The following CLEC12A variants were observed in gnomAD, a reference collection of about 807,000 sequenced individuals.
The protein encoded by CLEC12A is C-type lectin protein CLL-1.
Under a neutral mutation model 26.5 loss-of-function variants are expected in CLEC12A, and 22 were observed. The ratio of observed to expected loss-of-function variants is 0.83; its 90% CI spans 0.59 to 1.19. The LOEUF (loss-of-function observed/expected upper bound fraction) is 1.19, where lower values mean the gene tolerates loss of function less well. CLEC12A is among the 50% of genes most tolerant of loss of function. The pLI, the probability that CLEC12A is intolerant of heterozygous loss-of-function variation, is 0.00. For synonymous variants in CLEC12A, 119 were observed against 101.9 expected (o/e 1.17, Z -1.01); for missense variants, 353 against 315.6 (o/e 1.12, Z -0.90).
chr12:9,987,511 A>C (rs1864794521), downstream of CLEC12A, among the ~76,000 whole-genome samples: 1 of 152,140 alleles, frequency 6.6e-6, no homozygotes, highest in Non-Finnish European at 1.5e-5. Context: ...TCTACCCAAT[A>C]CTTTGTGGGC....
chr12:9,957,488 C>A (rs1863761300), intron 1 of CLEC12A, among the ~76,000 whole-genome samples: 1 of 85,010 alleles, frequency 1.2e-5, no homozygotes, highest in African/African-American at 5.0e-5. Flanking sequence ...GAGACTTCAT[C>A]TCAAAAAAAA....
chr12:9,987,274 T>G (rs2137217350), downstream of CLEC12A, among the ~76,000 whole-genome samples: 1 of 152,294 alleles, frequency 6.6e-6, no homozygotes. Flanking sequence ...TCTATGTAAA[T>G]CATTTTTATT....
At chr12:9,996,891 A>G (rs1865063015), downstream of CLEC12A, 1 of 1,613,966 alleles carries the variant, frequency 6.2e-7, no homozygotes. Flanking sequence ...CATTCATGTC[A>G]GTGCAGTACT....
intron 3 of CLEC12A, 138 bp downstream of exon 3, chr12:9,979,662 G>A: frequency 3.1e-6 from 2 of 644,812 alleles, no homozygotes; most frequent in Non-Finnish European, 5.0e-6. Context: ...TGTGGTTGAT[G>A]GAGAATTCAT....
At chr12:10,002,375 T>C in the CLEC12A span, among the ~76,000 whole-genome samples, 1 of 126,968 alleles carries the variant, frequency 7.9e-6, no homozygotes, top group Non-Finnish European at 1.8e-5. Context: ...GGTTAGTCTT[T>C]ATGAAGCAGA....
At chr12:9,987,740 TTTTG>T (rs549578337), downstream of CLEC12A, among the ~76,000 whole-genome samples, 210 of 152,244 alleles carry the variant, frequency 1.4e-3, 1 homozygote, top group African/African-American at 3.7e-3. Context: ...ACCTGTATGT[TTTTG>T]TTTGTTTTTT....
exon 5 of CLEC12A, chr12:9,995,025 G>A: frequency 1.3e-6 from 2 of 1,578,240 alleles, no homozygotes; most frequent in South Asian, 1.1e-5. Flanking sequence ...TAGCAGGTAA[G>A]TGACCCAGCT....
intron 5 of CLEC12A, among the ~76,000 whole-genome samples, chr12:9,982,425 C>T (rs1280945371): frequency 6.6e-6 from 1 of 151,964 alleles, no homozygotes; most frequent in Non-Finnish European, 1.5e-5. Flanking sequence ...CTAACAAGTA[C>T]TTAATATTGT....
intron 1 of CLEC12A, among the ~76,000 whole-genome samples, chr12:9,961,342 C>T (rs1264248520): frequency 2.0e-5 from 3 of 152,150 alleles, no homozygotes; most frequent in African/African-American, 7.2e-5. Flanking sequence ...AGAGGGAGTC[C>T]ATTCAGATGG....
At chr12:9,993,637 C>T (rs617956) in intron 4 of CLEC12A, among the ~76,000 whole-genome samples, 72,650 of 151,678 alleles carry the variant, frequency 0.48, 17,857 homozygotes, top group East Asian at 0.71. Context: ...GGTCAGGACT[C>T]AGATGAACTG....
At chr12:9,974,992 A>G (rs945183721) in intron 1 of CLEC12A, among the ~76,000 whole-genome samples, 4 of 152,160 alleles carry the variant, frequency 2.6e-5, no homozygotes, top group African/African-American at 9.7e-5. Context: ...GGTTTTATAA[A>G]GAGGAGTTTT....
downstream of CLEC12A, among the ~76,000 whole-genome samples, chr12:9,995,994 T>C (rs1865036230): frequency 6.6e-6 from 1 of 152,126 alleles, no homozygotes; most frequent in African/African-American, 2.4e-5. Flanking sequence ...AATCAATCTA[T>C]GGGTAACAAA....
chr12:9,952,089 G>GC lies in CLEC12A; in HGVS notation c.10+733_10+734insC, dbSNP rs1226073700. 4 of 126,904 alleles carry GC rather than the reference G, an allele frequency of 3.2e-5. No individual in the cohort carries two copies. In the East Asian group the frequency reaches 1.1e-3, roughly 36 times the overall value. 7.9% of individuals were successfully genotyped at this position (126,904 alleles called of 1,614,324 possible). A position where few individuals can be genotyped will look rare whatever the true frequency, so the allele number is the denominator to read the frequency against. ...ATCAAACTGTCAGACCCTGTCTCAA[G>GC]GAAAAAAAAAAAAACAGGATGTGAG... On this transcript the variant is annotated intron_variant, in intron 1 of 6. Coordinates refer to the CLEC12A transcript ENST00000355690.
Position 9,985,104 on chromosome 12 carries a change from G to T in CLEC12A, c.*78G>T. ...AGGTAAATTTAAATATTTTCTGGTT[G>T]ACAATTAGTTGAGTTTGTCTGAAGA... On this transcript the variant is annotated 3_prime_UTR_variant, in exon 6 of 6. Coordinates refer to ENST00000304361, the MANE Select transcript of CLEC12A (RefSeq NM_138337.6). 7.7e-7 allele frequency: 1 copy of T among 1,298,924 alleles called. No individual in the cohort carries two copies. Among genetic ancestry groups the T allele is most frequent in the South Asian group, 2.6e-5 (1 of 38,944 alleles). The allele number at this position is 1,298,924 out of a possible 1,614,324, so 80.5% of individuals were successfully genotyped here. A position where few individuals can be genotyped will look rare whatever the true frequency, so the allele number is the denominator to read the frequency against.
At chr12:9,991,833 A>G (rs1864901194) in intron 4 of CLEC12A, 1 of 152,128 alleles carries the variant, frequency 6.6e-6, no homozygotes, top group African/African-American at 2.4e-5. Flanking sequence ...TTTCAAGGTG[A>G]GAACATTACT....
At chr12:9,998,217 G>T, downstream of CLEC12A, 1 of 1,197,236 alleles carries the variant, frequency 8.4e-7, no homozygotes, top group Non-Finnish European at 1.2e-6. Flanking sequence ...AAGCTTAGTG[G>T]GATATGCCAT....
exon 5 of CLEC12A, chr12:9,995,175 C>G: frequency 6.2e-7 from 1 of 1,613,174 alleles, no homozygotes; most frequent in South Asian, 1.1e-5. Context: ...CCTCCCACTT[C>G]CAGACCTCAT....
intron 1 of CLEC12A, among the ~76,000 whole-genome samples, chr12:9,977,019 T>TC (rs1419925468): frequency 6.6e-6 from 1 of 152,152 alleles, no homozygotes. Context: ...AACCTCTCTT[T>TC]CCTTATAAAT....
At chr12:9,998,784 C>G (rs1003244470), downstream of CLEC12A, among the ~76,000 whole-genome samples, 1 of 152,088 alleles carries the variant, frequency 6.6e-6, no homozygotes, top group South Asian at 2.1e-4. Context: ...TCCGTTATCC[C>G]CTTGACTTCT....
Sources: allele counts gnomAD v4.1 joint callset (sites outside exome capture counted in the v4.1 genomes callset), GRCh38; gene constraint gnomAD v4.1.1; transcripts MANE v1.5; gene names NCBI Gene and HGNC (gene_info 2026-07-23, HGNC 2026-07-21).